Variants in GAB2 observed in about 807,000 individuals in gnomAD.
GAB2 encodes GRB2 associated binding protein 2.
Under a neutral mutation model 65.5 loss-of-function variants are expected in GAB2, and 26 were observed. The observed-to-expected ratio is 0.40, with a 90% CI of 0.29 to 0.55. GAB2 has a LOEUF of 0.55. Among genes scored for constraint, GAB2 ranks in the 20% least tolerant of loss-of-function variants. The probability of loss-of-function intolerance (pLI) is 0.53; values close to 1 mark genes in which losing one functional copy is unlikely to be tolerated. For missense variants in GAB2, 884 were observed against 875.8 expected (o/e 1.01, Z -0.12); for synonymous variants, 321 against 329.6 (o/e 0.97, Z 0.28).
At chr11:78,317,794 T>C (rs1591032870) in intron 1 of GAB2, among the ~76,000 whole-genome samples, 1 of 152,164 alleles carries the variant, frequency 6.6e-6, no homozygotes, top group Non-Finnish European at 1.5e-5. Flanking sequence ...CCATTATATC[T>C]GGCTGATCAT....
rs368907942 is a variant in GAB2 at position 78,221,692 on chromosome 11, C to G, written c.1746G>C (p.Glu582Asp). Reference protein sequence around the residue: ...ITSTDSGDSEENYVPMQNPVS... With the variant: ...ITSTDSGDSEDNYVPMQNPVS... ...AAGGACTCACCATAGGGACATAGTT[C>G]TCTTCGCTGTCTCCTGAGTCTGTGC... Residue 582 changes from glutamate to aspartate, a missense_variant, in exon 8 of 10, where the codon GAG becomes GAC. Coordinates refer to ENST00000361507, the MANE Select transcript of GAB2 (RefSeq NM_080491.3). 5.8e-5 allele frequency: 93 copies of G among 1,611,756 alleles called. No individual in the cohort carries two copies. The South Asian group carries it at 9.0e-4, about 16-fold the overall frequency.
intron 1 of GAB2, among the ~76,000 whole-genome samples, chr11:78,330,021 G>A (rs1055192779): frequency 7.2e-5 from 11 of 152,186 alleles, no homozygotes; most frequent in African/African-American, 2.7e-4. Flanking sequence ...TGGCAAAAAA[G>A]GATATAGACG....
At chr11:78,224,576 C>G (rs1864566350) in intron 5 of GAB2, among the ~76,000 whole-genome samples, 1 of 152,242 alleles carries the variant, frequency 6.6e-6, no homozygotes, top group African/African-American at 2.4e-5. Flanking sequence ...TAAGCTGCTT[C>G]TGCCTTGGTT....
intron 1 of GAB2, among the ~76,000 whole-genome samples, chr11:78,360,123 G>A (rs561003858): frequency 1.6e-4 from 25 of 152,160 alleles, no homozygotes; most frequent in Non-Finnish European, 2.5e-4. Flanking sequence ...TGGAGCCACC[G>A]GAAGCCAAAA....
chr11:78,311,855 T>C (rs1480097790), intron 1 of GAB2, among the ~76,000 whole-genome samples: 1 of 152,078 alleles, frequency 6.6e-6, no homozygotes. Context: ...AGAAGCTCAA[T>C]CCCACCAGGT....
intron 1 of GAB2, among the ~76,000 whole-genome samples, chr11:78,375,211 A>G (rs1489447591): frequency 2.0e-5 from 3 of 152,144 alleles, no homozygotes; most frequent in Non-Finnish European, 2.9e-5. Context: ...TGCCCTGCTA[A>G]TATTTGGGTA....
intron 1 of GAB2, among the ~76,000 whole-genome samples, chr11:78,390,692 G>C (rs943676880): frequency 2.0e-5 from 3 of 152,130 alleles, no homozygotes; most frequent in Non-Finnish European, 1.5e-5. Context: ...CTCCAATAAT[G>C]GGTTCATGCA....
intron 1 of GAB2, among the ~76,000 whole-genome samples, chr11:78,374,861 G>A (rs1256469708): frequency 6.6e-6 from 1 of 152,160 alleles, no homozygotes; most frequent in African/African-American, 2.4e-5. Context: ...GGATGGGTAA[G>A]GAGGGGAATA....
intron 1 of GAB2, among the ~76,000 whole-genome samples, chr11:78,321,539 A>C (rs540400312): frequency 1.3e-5 from 2 of 152,306 alleles, no homozygotes; most frequent in Admixed American, 6.5e-5. Flanking sequence ...TGGTTCCTGT[A>C]ATTAAGAGAT....
rs1479873807 is a variant in GAB2, at chr11:78,317,750, A to T, written c.76-36849T>A. Among the ~76,000 whole-genome samples the T allele has an allele frequency of 4.6e-5, 7 of 152,116 alleles. No homozygotes were observed. The East Asian group carries it at 1.3e-3, about 29-fold the overall frequency. ...ATCTTTTGTTTCAAGGTTCTTTTTA[A>T]GTTACCTAAGGAGATCAGCCCTAAA... On this transcript the variant is annotated intron_variant, in intron 1 of 9. Transcript: ENST00000361507.
chr11:78,253,780 G>A (rs886516148), intron 2 of GAB2, among the ~76,000 whole-genome samples: 15 of 152,154 alleles, frequency 9.9e-5, no homozygotes, highest in African/African-American at 3.6e-4. Flanking sequence ...CCCAGTGTGT[G>A]ACAAAATTCA....
chr11:78,302,198 A>C (rs910682480), intron 1 of GAB2, among the ~76,000 whole-genome samples: 3 of 152,232 alleles, frequency 2.0e-5, no homozygotes, highest in African/African-American at 7.2e-5. Context: ...GCTGGGACTT[A>C]ATTAAACTAA....
intron 1 of GAB2, among the ~76,000 whole-genome samples, chr11:78,415,932 AG>A (rs1857189344): frequency 1.3e-5 from 2 of 149,578 alleles, no homozygotes; most frequent in African/African-American, 5.0e-5. Context: ...TTGAAAATTA[AG>A]GGTCACTTTT....
chr11:78,362,672 G>GAA (rs1469206010), intron 1 of GAB2, among the ~76,000 whole-genome samples: 1 of 143,842 alleles, frequency 7.0e-6, no homozygotes, highest in Non-Finnish European at 1.5e-5. Flanking sequence ...CAAGTTAAAA[G>GAA]AAAGACTTTC....
chr11:78,365,869 T>A (rs1856489700), intron 1 of GAB2, among the ~76,000 whole-genome samples: 1 of 152,234 alleles, frequency 6.6e-6, no homozygotes, highest in South Asian at 2.1e-4. Context: ...AAGTCCTCCA[T>A]AATTCTATCC....
intron 3 of GAB2, among the ~76,000 whole-genome samples, chr11:78,235,116 A>G (rs1864949163): frequency 6.6e-6 from 1 of 151,900 alleles, no homozygotes; most frequent in Admixed American, 6.5e-5. Context: ...ACTTATGCAA[A>G]TTTCTACAGC....
chr11:78,265,980 T>C (rs1416139205), intron 2 of GAB2, among the ~76,000 whole-genome samples: 6 of 152,026 alleles, frequency 3.9e-5, no homozygotes, highest in Non-Finnish European at 7.4e-5. Context: ...TTTGGGAGGC[T>C]GAGGCAGGTG....
intron 1 of GAB2, among the ~76,000 whole-genome samples, chr11:78,388,998 T>G (rs1329249483): frequency 1.3e-5 from 2 of 152,150 alleles, no homozygotes; most frequent in Non-Finnish European, 2.9e-5. Context: ...AGTCTAAGGA[T>G]GTCAATAGAA....
chr11:78,383,178 A>C (rs1352317041), intron 1 of GAB2, among the ~76,000 whole-genome samples: 2 of 152,118 alleles, frequency 1.3e-5, no homozygotes, highest in African/African-American at 4.8e-5. Flanking sequence ...AGGCTGAGGC[A>C]GAAGAATCGC....
Sources: gnomAD v4.1 joint callset for allele counts (sites outside exome capture counted in the v4.1 genomes callset) on GRCh38, gnomAD v4.1.1 for gene constraint, MANE v1.5 for transcripts, NCBI Gene and HGNC (gene_info 2026-07-23, HGNC 2026-07-21) for gene names.